Variants in ATP6V1G1 observed in about 807,000 individuals in gnomAD.
The protein encoded by ATP6V1G1 is V-type proton ATPase subunit G 1.
In ATP6V1G1, 14 loss-of-function variants were observed where a neutral mutation model predicts 14.2. That is an observed-to-expected ratio of 0.99 (90% CI 0.65 to 1.55). The LOEUF is 1.55. Ranked by LOEUF, ATP6V1G1 falls within the 40% of genes most tolerant of loss-of-function variation. ATP6V1G1 has a pLI of 0.00. For missense variants in ATP6V1G1, 137 were observed against 146.4 expected (o/e 0.94, Z 0.33); for synonymous variants, 65 against 53.3 (o/e 1.22, Z -0.96).
chr9:114,593,290 T>G (rs1288621306), intron 2 of ATP6V1G1, among the ~76,000 whole-genome samples: 1 of 152,164 alleles, frequency 6.6e-6, no homozygotes, highest in East Asian at 1.9e-4. Flanking sequence ...CTAAATGGGA[T>G]GTATTGGCCT....
At chr9:114,592,704 G>A (rs1232376349) in intron 2 of ATP6V1G1, 52 bp downstream of exon 2, 3 of 1,524,808 alleles carry the variant, frequency 2.0e-6, no homozygotes, top group East Asian at 4.9e-5. Context: ...CCCCTGTCCC[G>A]CCAAGGCTTT....
At chr9:114,590,921 G>A (rs899006567) in intron 1 of ATP6V1G1, among the ~76,000 whole-genome samples, 3 of 152,056 alleles carry the variant, frequency 2.0e-5, no homozygotes, top group Non-Finnish European at 4.4e-5. Flanking sequence ...TCAGCCGCCC[G>A]AGTAGCTGGG....
At chr9:114,594,284 G>C (rs1345498080) in intron 2 of ATP6V1G1, among the ~76,000 whole-genome samples, 2 of 151,870 alleles carry the variant, frequency 1.3e-5, no homozygotes, top group African/African-American at 2.4e-5. Flanking sequence ...GGTCAGGCTT[G>C]TCTTGAACTC....
rs575177007 is a variant in ATP6V1G1 at position 114,594,840 on chromosome 9, T to C, written c.183+2188T>C. On this transcript the variant is annotated intron_variant, in intron 2 of 2. Coordinates refer to ENST00000374050, the MANE Select transcript of ATP6V1G1 (RefSeq NM_004888.4). ...AGCACAAGCTCTGATTCCTTTTTTC[T>C]TTCTTTTCTTTTCTTTTTTTCTTTT... 4.1e-4 allele frequency among the ~76,000 whole-genome samples: 61 copies of C among 147,378 alleles called. 1 individual carries two copies. Among genetic ancestry groups the C allele is most frequent in the African/African-American group, 1.5e-3 (59 of 39,664 alleles).
At position 114,597,593 on chromosome 9, in the gene ATP6V1G1, C is replaced by T; in HGVS notation, c.207C>T (p.Cys69=). The change falls in exon 3 of 3, where the codon TGC becomes TGT. Residue 69 remains cysteine (C), a synonymous_variant. Coordinates refer to ENST00000374050, the MANE Select transcript of ATP6V1G1 (RefSeq NM_004888.4). ...EAAALGSRGS[C]STEVEKETQE... is the part of the protein sequence containing the mutation. ...AGGCATTGGGATCCCGTGGCAGTTG[C>T]AGCACTGAAGTGGAGAAGGAGACCC... is the stretch of plus-strand genomic sequence containing the variant. 2 of 1,523,428 alleles carry T rather than the reference C, an allele frequency of 1.3e-6. No homozygotes were observed. Among genetic ancestry groups the T allele is most frequent in the South Asian group, 2.6e-5 (2 of 77,370 alleles). The allele number at this position is 1,523,428 out of a possible 1,614,324, so 94.4% of individuals were successfully genotyped here.
chr9:114,592,441 C>A, intron 1 of ATP6V1G1, 111 bp from the exon 2 acceptor site: 2 of 1,070,704 alleles, frequency 1.9e-6, no homozygotes, highest in Non-Finnish European at 2.7e-6. Flanking sequence ...CACATCTCTT[C>A]GGACTGTGTC....
At chr9:114,595,120 A>T (rs1356952519) in intron 2 of ATP6V1G1, among the ~76,000 whole-genome samples, 1 of 151,520 alleles carries the variant, frequency 6.6e-6, no homozygotes, top group East Asian at 1.9e-4. Context: ...CACCTGCCTC[A>T]GCCTCCCAAA....
chr9:114,590,200 A>AG (rs1035622565), intron 1 of ATP6V1G1, among the ~76,000 whole-genome samples: 21 of 147,956 alleles, frequency 1.4e-4, no homozygotes, highest in Admixed American at 2.7e-4. Context: ...CGCCGTCTCA[A>AG]AAAAAAAAAA....
intron 1 of ATP6V1G1, 23 bp downstream of exon 1, chr9:114,587,943 C>A (rs1401776663): frequency 1.3e-6 from 2 of 1,557,120 alleles, no homozygotes; most frequent in African/African-American, 1.4e-5. Flanking sequence ...GTGGGGCTGC[C>A]CGGCGTGGCG....
Position 114,587,914 on chromosome 9 carries a change from C to G in ATP6V1G1, c.76C>G (p.Arg26Gly). ...GGCAGCCGAGAAGGTGTCCGAGGCCCGCAAAAGTGAGTTTCAGGGTGGGGC... is the reference window on the plus strand; with the variant it reads ...GGCAGCCGAGAAGGTGTCCGAGGCCGGCAAAAGTGAGTTTCAGGGTGGGGC... ...KRAAEKVSEA[R>G]KRKNRRLKQA... Residue 26 changes from arginine to glycine, a missense_variant, in exon 1 of 3, where the codon CGC becomes GGC. Arg to Gly is a moderately radical substitution (Grantham distance 125). Transcript: ENST00000374050. 1 of 1,576,390 alleles carries G rather than the reference C, an allele frequency of 6.3e-7. No homozygotes were observed. The highest frequency in any genetic ancestry group is 1.2e-5 in the South Asian group (1 of 85,962).
Position 114,597,638 on chromosome 9 carries a change from C to T in ATP6V1G1, c.252C>T (p.Leu84=), listed in dbSNP as rs777982171. The T allele has an allele frequency of 2.5e-6, 4 of 1,588,644 alleles. No homozygotes were observed. The Admixed American group carries it at 5.5e-5, about 22-fold the overall frequency. The change falls in exon 3 of 3, where the codon CTC becomes CTT. Residue 84 remains leucine (L), a synonymous_variant. Transcript: ENST00000374050. ...AGACCCAGGAGAAGATGACCATCCTCCAGACATACTTCCGGCAGAACAGGG... is the reference window on the plus strand; with the variant it reads ...AGACCCAGGAGAAGATGACCATCCTTCAGACATACTTCCGGCAGAACAGGG... ...EKETQEKMTI[L]QTYFRQNRDE... is the part of the protein sequence containing the mutation.
intron 1 of ATP6V1G1, among the ~76,000 whole-genome samples, chr9:114,591,438 C>T (rs1564274067): frequency 6.6e-6 from 1 of 152,122 alleles, no homozygotes; most frequent in Admixed American, 6.6e-5. Context: ...AAATACAGCC[C>T]ATTATAGCTG....
chr9:114,588,541 T>TGTGTGTG (rs1589311860), intron 1 of ATP6V1G1, among the ~76,000 whole-genome samples: 1 of 128,514 alleles, frequency 7.8e-6, no homozygotes, highest in East Asian at 2.6e-4. Context: ...GTGTGTGTGT[T>TGTGTGTG]TCTGTCTAAT....
At position 114,587,981 on chromosome 9, in the gene ATP6V1G1, A is replaced by G. The variant is rs140626071; in HGVS notation, c.82+61A>G. 1.2e-4 allele frequency: 187 copies of G among 1,535,128 alleles called. 1 individual carries two copies. In the African/African-American group the frequency reaches 2.3e-3, roughly 19 times the overall value. ...AGTCGAAGAAAGACCGCTGGGCCTC[A>G]GGTGGTGGGTAGATTAGGCCCGAAA... On this transcript the variant is annotated intron_variant, in intron 1 of 2. Coordinates refer to ENST00000374050, the MANE Select transcript of ATP6V1G1 (RefSeq NM_004888.4).
rs1444962157 is a variant in ATP6V1G1, at chr9:114,598,021, A to G, written c.*278A>G. 1 of 203,368 alleles carries G rather than the reference A, an allele frequency of 4.9e-6. No individual in the cohort carries two copies. Among genetic ancestry groups the G allele is most frequent in the Non-Finnish European group, 9.7e-6 (1 of 102,612 alleles). 12.6% of individuals were successfully genotyped at this position (203,368 alleles called of 1,614,324 possible). ...GTCTTTTGGCTCAAGCAACATGTAT[A>G]TCAGTGTTGACTTTTTCTTTCTTAG... On this transcript the variant is annotated 3_prime_UTR_variant, in exon 3 of 3. Coordinates refer to ENST00000374050, the MANE Select transcript of ATP6V1G1 (RefSeq NM_004888.4).
chr9:114,591,212 C>G (rs1478220324), intron 1 of ATP6V1G1, among the ~76,000 whole-genome samples: 1 of 152,182 alleles, frequency 6.6e-6, no homozygotes, highest in Non-Finnish European at 1.5e-5. Context: ...ATACGATTTT[C>G]TGTTTAAATA....
At chr9:114,590,198 C>CAAA (rs71300693) in intron 1 of ATP6V1G1, among the ~76,000 whole-genome samples, 2 of 97,478 alleles carry the variant, frequency 2.1e-5, no homozygotes, top group African/African-American at 4.0e-5. Flanking sequence ...GACGCCGTCT[C>CAAA]AAAAAAAAAA....
Position 114,597,732 on chromosome 9 carries a change from A to C in ATP6V1G1, c.346A>C (p.Ile116Leu), listed in dbSNP as rs921606307. 2.5e-6 allele frequency: 4 copies of C among 1,583,662 alleles called. No homozygotes were observed. In the African/African-American group the frequency reaches 4.1e-5, roughly 16 times the overall value. Residue 116 changes from isoleucine (I) to leucine (L), a missense_variant, in exon 3 of 3, where the codon ATA (isoleucine) becomes CTA (leucine). Physicochemically the swap from Ile to Leu is conservative, Grantham distance 5. Coordinates refer to ENST00000374050, the MANE Select transcript of ATP6V1G1 (RefSeq NM_004888.4). Reference protein sequence around the residue: ...IRPEIHENYRING With the variant: ...IRPEIHENYRLNG ...GCCAGAAATCCATGAAAACTACCGC[A>C]TAAATGGATAGAAGAGAGAAGCACC...
chr9:114,588,083 G>T (rs1050818508), intron 1 of ATP6V1G1, 163 bp downstream of exon 1: 2 of 764,372 alleles, frequency 2.6e-6, no homozygotes, highest in Non-Finnish European at 4.1e-6. Context: ...GGCTCTGGAA[G>T]GCTTGCGGAT....
Sources: gnomAD v4.1 joint callset for allele counts (sites outside exome capture counted in the v4.1 genomes callset) on GRCh38, gnomAD v4.1.1 for gene constraint, MANE v1.5 for transcripts, NCBI Gene and HGNC (gene_info 2026-07-23, HGNC 2026-07-21) for gene names.